Variants in ADAM12 observed in about 807,000 individuals in gnomAD.
ADAM12 encodes the protein ADAM metallopeptidase domain 12.
Under a neutral mutation model 106.4 loss-of-function variants are expected in ADAM12, and 70 were observed. The ratio of observed to expected loss-of-function variants is 0.66; its 90% confidence interval spans 0.54 to 0.80. The LOEUF (loss-of-function observed/expected upper bound fraction) is 0.80, where lower values mean the gene tolerates loss of function less well. Ranked by LOEUF, ADAM12 falls within the 30% of genes least tolerant of loss-of-function variation. The pLI, the probability that ADAM12 is intolerant of heterozygous loss-of-function variation, is 0.00. For synonymous variants in ADAM12, 420 were observed against 433.5 expected (o/e 0.97, Z 0.39); for missense variants, 1,010 against 1,171.9 (o/e 0.86, Z 2.02).
chr10:126,018,013 A>C (rs1333763265), intron 22 of ADAM12, among the ~76,000 whole-genome samples: 2 of 152,246 alleles, frequency 1.3e-5, no homozygotes, highest in African/African-American at 4.8e-5. Context: ...CAATGAAATA[A>C]TTAGGATGCT....
At chr10:126,252,190 GGGATGGATGAGAT>G (rs1482032147) in intron 3 of ADAM12, among the ~76,000 whole-genome samples, 4 of 109,576 alleles carry the variant, frequency 3.7e-5, no homozygotes, top group Admixed American at 8.7e-5. Flanking sequence ...CTCAATGGAT[GGGATGGATGAGAT>G]GGATGGATTA....
rs377499055 is a variant in ADAM12, at chr10:126,284,594, C to T, written c.187-5606G>A. ...ATAAAAATGAGGTCTCAATATGTTA[C>T]CCAGGCTGGTCTCAAACTCCTATCC... On this transcript the variant is annotated intron_variant, in intron 2 of 22. Coordinates refer to ENST00000448723, the MANE Select transcript of ADAM12 (RefSeq NM_001288973.2). Among the ~76,000 whole-genome samples the T allele has an allele frequency of 2.6e-5, 4 of 152,206 alleles. No homozygotes were observed. The East Asian group carries it at 5.8e-4, about 22-fold the overall frequency.
chr10:126,376,915 C>T (rs1425196862), intron 1 of ADAM12, among the ~76,000 whole-genome samples: 1 of 152,222 alleles, frequency 6.6e-6, no homozygotes, highest in African/African-American at 2.4e-5. Flanking sequence ...TCTTTCATTT[C>T]ACCTGCACTA....
At chr10:126,325,544 G>A (rs1854271609) in intron 2 of ADAM12, among the ~76,000 whole-genome samples, 1 of 152,210 alleles carries the variant, frequency 6.6e-6, no homozygotes, top group Non-Finnish European at 1.5e-5. Flanking sequence ...CCTGCCATAT[G>A]CTAAGGGAAG....
rs573451264 is a variant in ADAM12 at position 126,261,523 on chromosome 10, T to C, written c.260+17392A>G. ...TAGTGAGTATTTGTTATAAATCAAT[T>C]CAGACAAGCCTATCCTTTGCGACTG... On this transcript the variant is annotated intron_variant, in intron 3 of 22. Coordinates refer to ENST00000448723, the MANE Select transcript of ADAM12 (RefSeq NM_001288973.2). Among the ~76,000 whole-genome samples, 5 of 152,296 alleles carry C rather than the reference T, an allele frequency of 3.3e-5. No individual in the cohort carries two copies. The East Asian group carries it at 7.7e-4, about 23-fold the overall frequency.
rs368458490 is a variant in ADAM12 at position 126,189,595 on chromosome 10, A to G, written c.261-34290T>C. On this transcript the variant is annotated intron_variant, in intron 3 of 22. Coordinates refer to ENST00000448723, the MANE Select transcript of ADAM12 (RefSeq NM_001288973.2). ...CATGCATTGCCATGTTTATGCCTCA[A>G]AATAAGCTATGGGTAGATACTGTTG... 3.3e-4 allele frequency among the ~76,000 whole-genome samples: 51 copies of G among 152,296 alleles called. 1 individual carries two copies. Among genetic ancestry groups the G allele is most frequent in the African/African-American group, 1.2e-3 (49 of 41,560 alleles).
intron 3 of ADAM12, among the ~76,000 whole-genome samples, chr10:126,167,851 C>T (rs921498910): frequency 1.1e-4 from 16 of 152,132 alleles, no homozygotes; most frequent in Non-Finnish European, 2.4e-4. Context: ...TTTATAATGA[C>T]ACTATGAGTT....
intron 13 of ADAM12, among the ~76,000 whole-genome samples, 171 bp from the exon 14 acceptor site, chr10:126,065,172 G>A (rs920667621): frequency 3.9e-5 from 6 of 152,178 alleles, no homozygotes; most frequent in Non-Finnish European, 5.9e-5. Flanking sequence ...TCAGATTCTC[G>A]TTCTGGGGTT....
intron 6 of ADAM12, among the ~76,000 whole-genome samples, chr10:126,113,303 T>C (rs887955431): frequency 7.2e-5 from 11 of 151,998 alleles, no homozygotes; most frequent in Non-Finnish European, 1.2e-4. Flanking sequence ...ACTGGGGCCA[T>C]GGCAAGGAGG....
chr10:126,128,838 C>A (rs1405498172), intron 5 of ADAM12, among the ~76,000 whole-genome samples: 2 of 117,972 alleles, frequency 1.7e-5, no homozygotes, highest in Non-Finnish European at 3.4e-5. Flanking sequence ...GTGTGTGGTG[C>A]GTGTGGGAAT....
intron 4 of ADAM12, among the ~76,000 whole-genome samples, chr10:126,138,763 T>C (rs575634622): frequency 5.9e-5 from 9 of 152,166 alleles, no homozygotes; most frequent in African/African-American, 2.2e-4. Context: ...ACACTTCTGG[T>C]ACCATGTCTA....
At chr10:126,046,247 A>G (rs1954316004) in intron 16 of ADAM12, 115 bp from the exon 17 acceptor site, 17 of 909,726 alleles carry the variant, frequency 1.9e-5, no homozygotes, top group South Asian at 1.5e-4. Context: ...AGAAGACCCA[A>G]CCTTGTCTCA....
At position 126,153,906 on chromosome 10, in the gene ADAM12, C is replaced by A. The variant is rs139146499; in HGVS notation, c.339+1321G>T. The stretch of plus-strand genomic sequence containing the variant: ...GGACACAGGCCCAGACTATTCCCAA[C>A]ATCCACACATGAGACTAACTGGGGT... On this transcript the variant is annotated intron_variant, in intron 4 of 22. Transcript: ENST00000448723. Among the ~76,000 whole-genome samples, 86 of 152,326 alleles carry A rather than the reference C, an allele frequency of 5.6e-4. 1 individual carries two copies. The highest frequency in any genetic ancestry group is 2.9e-5 in the Non-Finnish European group (2 of 68,032).
chr10:126,047,274 C>T (rs563822548), intron 16 of ADAM12, among the ~76,000 whole-genome samples: 5 of 152,264 alleles, frequency 3.3e-5, no homozygotes, highest in Admixed American at 2.6e-4. Context: ...CCGACCCCAA[C>T]AGCTCATATA....
At chr10:126,135,133 T>A (rs1956381281) in intron 5 of ADAM12, among the ~76,000 whole-genome samples, 1 of 152,232 alleles carries the variant, frequency 6.6e-6, no homozygotes, top group African/African-American at 2.4e-5. Flanking sequence ...TCTATTCAAC[T>A]CACCTTGGTT....
chr10:126,157,950 T>C (rs9422951), intron 3 of ADAM12, among the ~76,000 whole-genome samples: 96,632 of 151,852 alleles, frequency 0.64, 31,843 homozygotes, highest in East Asian at 0.77. Context: ...TAGTCATAGG[T>C]AGAGAGCTCC....
At chr10:126,328,988 A>G (rs1209123771) in intron 2 of ADAM12, among the ~76,000 whole-genome samples, 1 of 152,164 alleles carries the variant, frequency 6.6e-6, no homozygotes, top group Admixed American at 6.5e-5. Flanking sequence ...CACAAACCAG[A>G]GAAGGCCTGA....
chr10:126,321,584 G>A lies in ADAM12; in HGVS notation c.186+8828C>T, dbSNP rs1295430852. Among the ~76,000 whole-genome samples the A allele has an allele frequency of 3.3e-5, 5 of 152,190 alleles. No homozygotes were observed. The East Asian group carries it at 7.8e-4, about 24-fold the overall frequency. On this transcript the variant is annotated intron_variant, in intron 2 of 22. Transcript: ENST00000448723. ...CTCTTTGTGTGTTGGCCAAAAAGGA[G>A]GAGTGAACAGGAAAGACCCTGGCAG...
At chr10:126,201,324 C>T (rs943640241) in intron 3 of ADAM12, among the ~76,000 whole-genome samples, 6 of 152,124 alleles carry the variant, frequency 3.9e-5, no homozygotes, top group South Asian at 2.1e-4. Context: ...AACACAGGCA[C>T]GCAGAGAGGA....
Sources: allele counts gnomAD v4.1 joint callset (sites outside exome capture counted in the v4.1 genomes callset), GRCh38; gene constraint gnomAD v4.1.1; transcripts MANE v1.5; gene names NCBI Gene and HGNC (gene_info 2026-07-23, HGNC 2026-07-21).